Variants in SLC24A2 observed in about 807,000 individuals in gnomAD.
SLC24A2 encodes solute carrier family 24 member 2.
Under a neutral mutation model 62.0 loss-of-function variants are expected in SLC24A2, and 36 were observed. The observed-to-expected ratio is 0.58, with a 90% CI of 0.44 to 0.77. The LOEUF (loss-of-function observed/expected upper bound fraction) is 0.77. Ranked by LOEUF, SLC24A2 falls within the 30% of genes least tolerant of loss-of-function variation. The probability of loss-of-function intolerance (pLI) is 0.00; values close to 1 mark genes in which losing one functional copy is unlikely to be tolerated. For synonymous variants in SLC24A2, 358 were observed against 294.0 expected, an observed-to-expected ratio of 1.22 and a Z score of -2.23; for missense variants, 846 against 817.9, an observed-to-expected ratio of 1.03 and a Z score of -0.42.
chr9:19,631,180 T>A (rs1056860582), intron 2 of SLC24A2, among the ~76,000 whole-genome samples: 1 of 152,234 alleles, frequency 6.6e-6, no homozygotes, highest in African/African-American at 2.4e-5. Flanking sequence ...AGTAAATGCA[T>A]GTTTAATAAT....
the SLC24A2 span, among the ~76,000 whole-genome samples, chr9:20,244,463 T>C: frequency 2.0e-5 from 3 of 152,180 alleles, no homozygotes; most frequent in South Asian, 4.1e-4. Flanking sequence ...CCCTACACAC[T>C]GCGCCCTGTG....
At chr9:20,214,034 C>A in the SLC24A2 span, among the ~76,000 whole-genome samples, 2 of 152,148 alleles carry the variant, frequency 1.3e-5, no homozygotes, top group Non-Finnish European at 2.9e-5. Flanking sequence ...TCGTGAGTGG[C>A]AGAATTTTCT....
At chr9:19,712,368 G>T (rs1820739543) in intron 2 of SLC24A2, among the ~76,000 whole-genome samples, 1 of 152,190 alleles carries the variant, frequency 6.6e-6, no homozygotes, top group Admixed American at 6.5e-5. Context: ...CCAACTATAA[G>T]ATCTCCCATC....
At chr9:19,731,160 T>C (rs1821322361) in intron 2 of SLC24A2, among the ~76,000 whole-genome samples, 1 of 152,214 alleles carries the variant, frequency 6.6e-6, no homozygotes, top group Non-Finnish European at 1.5e-5. Flanking sequence ...AAATAAACTT[T>C]AGAAGGTGGT....
chr9:20,259,842 A>G, the SLC24A2 span, among the ~76,000 whole-genome samples: 1 of 152,186 alleles, frequency 6.6e-6, no homozygotes, highest in Non-Finnish European at 1.5e-5. Flanking sequence ...TAACCCTAGC[A>G]CTTTGGGAGA....
At chr9:19,552,777 C>T (rs994211581) in intron 7 of SLC24A2, among the ~76,000 whole-genome samples, 3 of 152,232 alleles carry the variant, frequency 2.0e-5, no homozygotes, top group Non-Finnish European at 4.4e-5. Context: ...CTGCTTATAA[C>T]CTACGGATTA....
chr9:19,576,318 T>A lies in SLC24A2; in HGVS notation c.1228+606A>T, dbSNP rs1836008411. 2.0e-5 allele frequency among the ~76,000 whole-genome samples: 3 copies of A among 152,210 alleles called. No homozygotes were observed. In the East Asian group the frequency reaches 5.8e-4, roughly 29 times the overall value. On this transcript the variant is annotated intron_variant, in intron 6 of 10. Coordinates refer to ENST00000341998, the MANE Select transcript of SLC24A2 (RefSeq NM_020344.4). ...AGAGAAGGAACATCATGTTCCATTT[T>A]AAAATAAGATGCCTGAATGTCACAA...
the SLC24A2 span, among the ~76,000 whole-genome samples, chr9:20,294,620 G>C: frequency 6.6e-6 from 1 of 152,110 alleles, no homozygotes; most frequent in Non-Finnish European, 1.5e-5. Flanking sequence ...AGGCCCTTCA[G>C]TTCTTTTAAA....
At chr9:19,566,505 CTG>C (rs1417086239) in intron 7 of SLC24A2, among the ~76,000 whole-genome samples, 3 of 151,520 alleles carry the variant, frequency 2.0e-5, no homozygotes, top group Non-Finnish European at 4.4e-5. Flanking sequence ...CACTTTTACA[CTG>C]TTGGTGGGAC....
chr9:20,070,168 T>C, the SLC24A2 span, among the ~76,000 whole-genome samples: 10 of 152,226 alleles, frequency 6.6e-5, no homozygotes, highest in Non-Finnish European at 1.5e-5. Flanking sequence ...TCCGAGATTC[T>C]TTGAACCTCT....
At chr9:19,895,797 T>C in the SLC24A2 span, 1 of 1,591,298 alleles carries the variant, frequency 6.3e-7, no homozygotes, top group Non-Finnish European at 8.6e-7. Context: ...CCTGTGCCTG[T>C]CATCTGCTTG....
At chr9:19,590,346 C>T (rs1027394495) in intron 5 of SLC24A2, among the ~76,000 whole-genome samples, 11 of 152,176 alleles carry the variant, frequency 7.2e-5, no homozygotes, top group Admixed American at 1.3e-4. Context: ...AGATCCTTCA[C>T]CTTTTTTTTC....
chr9:19,688,332 A>G (rs1354410641), intron 2 of SLC24A2, among the ~76,000 whole-genome samples: 1 of 152,076 alleles, frequency 6.6e-6, no homozygotes, highest in Non-Finnish European at 1.5e-5. Flanking sequence ...TGAGAGAATA[A>G]CATCTCCCTC....
chr9:19,723,663 G>A (rs1042816481), intron 2 of SLC24A2, among the ~76,000 whole-genome samples: 10 of 151,902 alleles, frequency 6.6e-5, no homozygotes, highest in Non-Finnish European at 1.0e-4. Flanking sequence ...AATCAGATAT[G>A]GACATGTCAT....
the SLC24A2 span, among the ~76,000 whole-genome samples, chr9:20,278,663 C>T: frequency 6.6e-6 from 1 of 152,212 alleles, no homozygotes. Flanking sequence ...TAGGAAGTTC[C>T]AGACTTTCCC....
At chr9:20,015,306 C>T in the SLC24A2 span, among the ~76,000 whole-genome samples, 87 of 152,334 alleles carry the variant, frequency 5.7e-4, 1 homozygote, top group African/African-American at 2.1e-3. Flanking sequence ...ACTTCTGAAT[C>T]TCCAGCTTCA....
At chr9:19,897,686 G>A in the SLC24A2 span, among the ~76,000 whole-genome samples, 36 of 152,052 alleles carry the variant, frequency 2.4e-4, no homozygotes, top group Middle Eastern at 6.8e-3. Context: ...ACTTTAAATC[G>A]TTCCCATTTT....
At chr9:20,125,158 T>C in the SLC24A2 span, among the ~76,000 whole-genome samples, 1 of 152,198 alleles carries the variant, frequency 6.6e-6, no homozygotes, top group Non-Finnish European at 1.5e-5. Flanking sequence ...GTGAGATTTT[T>C]TTAAAATGAA....
At chr9:19,608,777 C>T (rs945383302) in intron 4 of SLC24A2, among the ~76,000 whole-genome samples, 4 of 151,494 alleles carry the variant, frequency 2.6e-5, no homozygotes, top group African/African-American at 9.8e-5. Flanking sequence ...CTCTCTCTCT[C>T]TCACACACAC....
Sources: allele counts gnomAD v4.1 joint callset (sites outside exome capture counted in the v4.1 genomes callset), GRCh38; gene constraint gnomAD v4.1.1; transcripts MANE v1.5; gene names NCBI Gene and HGNC (gene_info 2026-07-23, HGNC 2026-07-21).